NAV2: variants seen among roughly 807,000 people sequenced by gnomAD.
The protein encoded by NAV2 is helicase, APC down-regulated 1.
NAV2 carries 54 observed loss-of-function variants against 223.2 expected under a neutral mutation model. The observed-to-expected ratio is 0.24, with a 90% CI of 0.19 to 0.30. NAV2 has a LOEUF of 0.30. NAV2 is among the 10% of genes least tolerant of loss of function. NAV2 has a pLI of 1.00. For missense variants in NAV2, 2,806 were observed against 3,147.5 expected (o/e 0.89, Z 2.60); for synonymous variants, 1,279 against 1,239.3 (o/e 1.03, Z -0.67).
At chr11:19,848,165 C>G (rs1022606249) in intron 3 of NAV2, among the ~76,000 whole-genome samples, 1 of 152,160 alleles carries the variant, frequency 6.6e-6, no homozygotes, top group Non-Finnish European at 1.5e-5. Flanking sequence ...CACTGGAGTT[C>G]CTAAGACAGT....
chr11:20,093,060 C>A, intron 28 of NAV2, 39 bp from the exon 29 acceptor site: 1 of 1,424,024 alleles, frequency 7.0e-7, no homozygotes, highest in Non-Finnish European at 9.6e-7. Context: ...GCTTTGCTGT[C>A]CCCATGTGCC....
chr11:19,914,820 A>G (rs2153224163), intron 6 of NAV2, among the ~76,000 whole-genome samples: 2 of 152,270 alleles, frequency 1.3e-5, no homozygotes, highest in South Asian at 4.1e-4. Flanking sequence ...CTGGGATTAC[A>G]GGCGTGAGCC....
intron 1 of NAV2, among the ~76,000 whole-genome samples, chr11:19,399,375 C>T (rs560107922): frequency 6.6e-6 from 1 of 152,192 alleles, no homozygotes; most frequent in Non-Finnish European, 1.5e-5. Context: ...AATGCAGGCG[C>T]CTTCCTTCTC....
intron 1 of NAV2, among the ~76,000 whole-genome samples, chr11:19,430,999 GA>G (rs1021540059): frequency 6.6e-5 from 10 of 152,086 alleles, no homozygotes; most frequent in African/African-American, 2.4e-4. Context: ...AGACACAATA[GA>G]AAAAAACTCC....
At chr11:19,573,460 A>T (rs2045479610) in intron 1 of NAV2, among the ~76,000 whole-genome samples, 1 of 152,144 alleles carries the variant, frequency 6.6e-6, no homozygotes, top group Admixed American at 6.5e-5. Context: ...GGACTCAATG[A>T]CTGTGGCATG....
chr11:19,381,004 A>G (rs1029904743), intron 1 of NAV2, among the ~76,000 whole-genome samples: 6 of 152,194 alleles, frequency 3.9e-5, no homozygotes, highest in Non-Finnish European at 5.9e-5. Context: ...GTGGTTCTAA[A>G]TGGGTTGTAG....
At chr11:20,079,701 C>T (rs939390519) in intron 24 of NAV2, among the ~76,000 whole-genome samples, 4 of 152,144 alleles carry the variant, frequency 2.6e-5, no homozygotes, top group African/African-American at 9.7e-5. Flanking sequence ...GCCACTGTGA[C>T]AGGAGCCCAG....
chr11:19,524,595 A>C (rs963406599), intron 1 of NAV2, among the ~76,000 whole-genome samples: 2 of 152,140 alleles, frequency 1.3e-5, no homozygotes, highest in African/African-American at 4.8e-5. Context: ...CCGGCTATGG[A>C]GACAGTGAGC....
chr11:19,633,914 A>G (rs1261148576), intron 1 of NAV2, among the ~76,000 whole-genome samples: 2 of 152,342 alleles, frequency 1.3e-5, no homozygotes, highest in African/African-American at 2.4e-5. Flanking sequence ...TATCTGACAA[A>G]TGGGGATCAT....
intron 36 of NAV2, among the ~76,000 whole-genome samples, chr11:20,113,429 A>G (rs2062801512): frequency 6.6e-6 from 1 of 152,222 alleles, no homozygotes; most frequent in Non-Finnish European, 1.5e-5. Flanking sequence ...TGAAATTGCT[A>G]GTAATGGTCA....
At position 19,396,040 on chromosome 11, in the gene NAV2, G is replaced by T. The variant is rs181325072; in HGVS notation, c.75+45013G>T. On this transcript the variant is annotated intron_variant, in intron 1 of 37. Coordinates refer to the NAV2 transcript ENST00000360655. ...CAATGGGTGATAATGCCTACCTCCT[G>T]GGATTTTGTGAGCATTCACTGGGAT... Among the ~76,000 whole-genome samples, 135 of 152,256 alleles carry T rather than the reference G, an allele frequency of 8.9e-4. 2 individuals are homozygous for T. Among genetic ancestry groups the T allele is most frequent in the Admixed American group, 8.2e-3 (126 of 15,296 alleles).
intron 6 of NAV2, among the ~76,000 whole-genome samples, chr11:19,912,001 C>T (rs1009243047): frequency 2.6e-5 from 4 of 152,116 alleles, no homozygotes; most frequent in African/African-American, 9.7e-5. Flanking sequence ...GCCACTCTAG[C>T]GATTCTAACT....
Position 19,665,201 on chromosome 11 carries a change from A to C in NAV2, c.76-167283A>C, listed in dbSNP as rs529878390. On this transcript the variant is annotated intron_variant, in intron 1 of 37. Coordinates refer to the NAV2 transcript ENST00000360655. Reference sequence around the variant, plus strand: ...CTGCCACTCAAATCCAAGAAGCAAGAGGCATGTCTGCAACCTCTGCAGGAA... The same window carrying C: ...CTGCCACTCAAATCCAAGAAGCAAGCGGCATGTCTGCAACCTCTGCAGGAA... Among the ~76,000 whole-genome samples, 261 of 152,334 alleles carry C rather than the reference A, an allele frequency of 1.7e-3. 1 individual carries two copies. Among genetic ancestry groups the C allele is most frequent in the African/African-American group, 6.1e-3 (252 of 41,586 alleles).
intron 1 of NAV2, among the ~76,000 whole-genome samples, chr11:19,673,882 T>G (rs1013398851): frequency 2.0e-5 from 3 of 152,142 alleles, no homozygotes; most frequent in Admixed American, 2.0e-4. Context: ...CAAGATGACT[T>G]GAATTTCCCA....
intron 11 of NAV2, among the ~76,000 whole-genome samples, chr11:19,987,876 G>T (rs1012823877): frequency 6.6e-6 from 1 of 152,176 alleles, no homozygotes; most frequent in Non-Finnish European, 1.5e-5. Flanking sequence ...AAATGGAGTG[G>T]CTTATTACAC....
chr11:19,529,816 T>C (rs546863747), intron 1 of NAV2, among the ~76,000 whole-genome samples: 31 of 152,302 alleles, frequency 2.0e-4, no homozygotes, highest in Middle Eastern at 3.4e-3. Context: ...CTGCCCTACA[T>C]AGGTGTTCTA....
chr11:19,602,369 G>A (rs2046371585), intron 1 of NAV2, among the ~76,000 whole-genome samples: 1 of 151,838 alleles, frequency 6.6e-6, no homozygotes. Flanking sequence ...GTAGAGATGG[G>A]GTTTCACTAT....
intron 1 of NAV2, among the ~76,000 whole-genome samples, chr11:19,474,721 A>T (rs2042065521): frequency 6.6e-6 from 1 of 152,220 alleles, no homozygotes; most frequent in Non-Finnish European, 1.5e-5. Context: ...GAAATCCATT[A>T]TTGCTCACAG....
intron 1 of NAV2, among the ~76,000 whole-genome samples, chr11:19,589,266 CA>C (rs111261847): frequency 1.1e-4 from 16 of 152,026 alleles, no homozygotes; most frequent in African/African-American, 2.2e-4. Context: ...AACGAACAAA[CA>C]AAAAAAACCT....
Sources: gnomAD v4.1 joint callset for allele counts (sites outside exome capture counted in the v4.1 genomes callset) on GRCh38, gnomAD v4.1.1 for gene constraint, MANE v1.5 for transcripts, NCBI Gene and HGNC (gene_info 2026-07-23, HGNC 2026-07-21) for gene names.